The following TMEM38B variants were observed in gnomAD, a reference collection of about 807,000 sequenced individuals.
TMEM38B encodes trimeric intracellular cation channel type B.
TMEM38B carries 24 observed loss-of-function variants against 28.7 expected under a neutral mutation model. The observed-to-expected ratio is 0.84, with a 90% CI of 0.61 to 1.18. TMEM38B has a LOEUF of 1.18. Ranked by LOEUF, TMEM38B falls within the 50% of genes most tolerant of loss-of-function variation. The probability of loss-of-function intolerance (pLI) is 0.00; values close to 1 mark genes in which losing one functional copy is unlikely to be tolerated. For synonymous variants in TMEM38B, 131 were observed against 127.7 expected (o/e 1.03, Z -0.17); for missense variants, 380 against 350.9 (o/e 1.08, Z -0.66).
intron 3 of TMEM38B, among the ~76,000 whole-genome samples, chr9:105,722,123 G>T (rs1464817082): frequency 6.6e-6 from 1 of 151,990 alleles, no homozygotes; most frequent in Non-Finnish European, 1.5e-5. Context: ...AAATATGATT[G>T]ACTATGGGTT....
chr9:105,773,298 CTGT>C (rs1208091893), intron 5 of TMEM38B, among the ~76,000 whole-genome samples: 3 of 152,198 alleles, frequency 2.0e-5, no homozygotes, highest in African/African-American at 7.2e-5. Flanking sequence ...ATTCTACAAT[CTGT>C]TGAGGGTAGC....
At chr9:105,731,282 T>C (rs925519338) in intron 4 of TMEM38B, among the ~76,000 whole-genome samples, 1 of 149,640 alleles carries the variant, frequency 6.7e-6, no homozygotes, top group Non-Finnish European at 1.5e-5. Context: ...TCTCATTGGT[T>C]TCAAAGAACA....
intron 3 of TMEM38B, among the ~76,000 whole-genome samples, chr9:105,722,082 G>T (rs1256235526): frequency 3.3e-5 from 5 of 152,084 alleles, no homozygotes; most frequent in African/African-American, 1.2e-4. Flanking sequence ...TCTTTTCTGT[G>T]TTTTTTTCAT....
chr9:105,771,746 T>C (rs1048686742), intron 5 of TMEM38B, among the ~76,000 whole-genome samples: 6 of 152,200 alleles, frequency 3.9e-5, no homozygotes, highest in African/African-American at 9.6e-5. Context: ...CTCCTCGTTT[T>C]ACATTCTCTC....
At chr9:105,751,397 G>A (rs948465819) in intron 5 of TMEM38B, among the ~76,000 whole-genome samples, 2 of 152,186 alleles carry the variant, frequency 1.3e-5, no homozygotes, top group African/African-American at 2.4e-5. Context: ...AAATCCCATC[G>A]TGAGCCCATG....
At chr9:105,738,773 A>C (rs1837077238) in intron 4 of TMEM38B, among the ~76,000 whole-genome samples, 1 of 138,922 alleles carries the variant, frequency 7.2e-6, no homozygotes, top group South Asian at 2.2e-4. Flanking sequence ...GGCTGAGTGC[A>C]GTGGCGCTGT....
chr9:105,725,861 T>C lies in TMEM38B; in HGVS notation c.542+3240T>C, dbSNP rs141270855. Among the ~76,000 whole-genome samples, 7 of 152,296 alleles carry C rather than the reference T, an allele frequency of 4.6e-5. No individual in the cohort carries two copies. In the East Asian group the frequency reaches 1.2e-3, roughly 25 times the overall value. On this transcript the variant is annotated intron_variant, in intron 4 of 5. Transcript: ENST00000374692. Reference sequence around the variant, plus strand: ...GACCTAGGACATTAGTGTGCACTACTGTAGACTTTATAAACACTGTACACT... The same window carrying C: ...GACCTAGGACATTAGTGTGCACTACCGTAGACTTTATAAACACTGTACACT...
chr9:105,733,852 C>T (rs944101308), intron 4 of TMEM38B, among the ~76,000 whole-genome samples: 4 of 151,872 alleles, frequency 2.6e-5, no homozygotes, highest in Admixed American at 6.6e-5. Context: ...AGTCTTCTAT[C>T]TTTTTTGCTG....
chr9:105,713,912 C>G (rs1835999530), intron 2 of TMEM38B, among the ~76,000 whole-genome samples: 1 of 120,368 alleles, frequency 8.3e-6, no homozygotes, highest in Admixed American at 8.3e-5. Flanking sequence ...AGGACCTACC[C>G]TCTTTGGGGC....
chr9:105,737,932 A>G (rs1410445304), intron 4 of TMEM38B, among the ~76,000 whole-genome samples: 1 of 152,164 alleles, frequency 6.6e-6, no homozygotes, highest in Non-Finnish European at 1.5e-5. Flanking sequence ...GTGGCTCCAT[A>G]GCAGCTTGAC....
chr9:105,749,230 T>C (rs1837553144), intron 5 of TMEM38B: 1 of 591,490 alleles, frequency 1.7e-6, no homozygotes, highest in African/African-American at 2.0e-5. Flanking sequence ...ACTGTGTTAG[T>C]CTGTTCTCAT....
intron 4 of TMEM38B, among the ~76,000 whole-genome samples, chr9:105,739,255 C>T (rs1837098381): frequency 6.7e-6 from 1 of 150,162 alleles, no homozygotes; most frequent in African/African-American, 2.4e-5. Context: ...ATTACTGTAG[C>T]ATTTTAGTTA....
intron 2 of TMEM38B, among the ~76,000 whole-genome samples, chr9:105,712,613 G>A (rs556178583): frequency 6.6e-6 from 1 of 152,336 alleles, no homozygotes; most frequent in East Asian, 1.9e-4. Flanking sequence ...GTCCCATTTT[G>A]TGACATTAGC....
chr9:105,726,444 T>A lies in TMEM38B; in HGVS notation c.542+3823T>A, dbSNP rs150629193. The stretch of plus-strand genomic sequence containing the variant: ...AAAAATGAAGACATAAACACACACA[T>A]TAGCCTCGGCCTACCCAGGGTCAGG... On this transcript the variant is annotated intron_variant, in intron 4 of 5. Coordinates refer to ENST00000374692, the MANE Select transcript of TMEM38B (RefSeq NM_018112.3). Among the ~76,000 whole-genome samples, 167 of 152,242 alleles carry A rather than the reference T, an allele frequency of 1.1e-3. 1 individual carries two copies. Among genetic ancestry groups the A allele is most frequent in the Non-Finnish European group, 1.9e-3 (131 of 68,006 alleles).
chr9:105,753,634 C>G (rs910362421), intron 5 of TMEM38B, among the ~76,000 whole-genome samples: 1 of 152,120 alleles, frequency 6.6e-6, no homozygotes, highest in African/African-American at 2.4e-5. Flanking sequence ...TTCATGACCA[C>G]CAGGCCTGCT....
intron 1 of TMEM38B, among the ~76,000 whole-genome samples, chr9:105,697,991 A>G (rs963728539): frequency 4.1e-5 from 6 of 145,492 alleles, no homozygotes; most frequent in East Asian, 1.9e-4. Flanking sequence ...TTGGAACTCA[A>G]TGATCTCAGC....
intron 4 of TMEM38B, among the ~76,000 whole-genome samples, chr9:105,737,148 G>C (rs1239165708): frequency 6.6e-6 from 1 of 152,184 alleles, no homozygotes; most frequent in Non-Finnish European, 1.5e-5. Flanking sequence ...AGCACCTTGG[G>C]CTACACATTT....
intron 5 of TMEM38B, chr9:105,760,285 T>A (rs892157962): frequency 2.6e-5 from 20 of 783,480 alleles, no homozygotes; most frequent in Non-Finnish European, 4.4e-5. Context: ...TGTGCTATGC[T>A]GTGCTGAAAA....
rs369576791 is a variant in TMEM38B at position 105,776,084 on chromosome 9, A to T, written c.*2004A>T. 17 of 152,318 alleles carry T rather than the reference A, an allele frequency of 1.1e-4. No individual in the cohort carries two copies. The highest frequency in any genetic ancestry group is 4.1e-4 in the African/African-American group (17 of 41,578). 9.4% of individuals were successfully genotyped at this position (152,318 alleles called of 1,614,324 possible). A position where few individuals can be genotyped will look rare whatever the true frequency, so the allele number is the denominator to read the frequency against. ...GAGTCTTGACTTGGATTTGCAAAGC[A>T]GATTGTTAGACTCCTTACCCAATGT... On this transcript the variant is annotated 3_prime_UTR_variant, in exon 6 of 6. Coordinates refer to ENST00000374692, the MANE Select transcript of TMEM38B (RefSeq NM_018112.3).
Sources: allele counts gnomAD v4.1 joint callset (sites outside exome capture counted in the v4.1 genomes callset), GRCh38; gene constraint gnomAD v4.1.1; transcripts MANE v1.5; gene names NCBI Gene and HGNC (gene_info 2026-07-23, HGNC 2026-07-21).